Variants in FHOD3 observed in about 807,000 individuals in gnomAD.
FHOD3 encodes formin homology 2 domain containing 3.
A neutral mutation model predicts 173.0 loss-of-function variants in FHOD3; 90 were observed. That is an observed-to-expected ratio of 0.52 (90% confidence interval 0.44 to 0.62). The LOEUF (loss-of-function observed/expected upper bound fraction) is 0.62. Ranked by LOEUF, FHOD3 falls within the 20% of genes least tolerant of loss-of-function variation. The pLI, the probability that FHOD3 is intolerant of heterozygous loss-of-function variation, is 0.00. For missense variants in FHOD3, 1,945 were observed against 2,034.7 expected (o/e 0.96, Z 0.85); for synonymous variants, 828 against 823.0 (o/e 1.01, Z -0.10).
chr18:36,562,743 T>G (rs771973326), intron 5 of FHOD3, among the ~76,000 whole-genome samples: 2 of 152,184 alleles, frequency 1.3e-5, no homozygotes, highest in Non-Finnish European at 2.9e-5. Context: ...AGCACAGCCT[T>G]TAAAGTAATA....
At chr18:36,631,539 C>T (rs372257815) in intron 10 of FHOD3, among the ~76,000 whole-genome samples, 13 of 152,306 alleles carry the variant, frequency 8.5e-5, no homozygotes, top group East Asian at 5.8e-4. Flanking sequence ...CTAGCCTTTA[C>T]GGAACACTTA....
At chr18:36,773,248 G>C (rs1389117920) in intron 28 of FHOD3, among the ~76,000 whole-genome samples, 1 of 152,180 alleles carries the variant, frequency 6.6e-6, no homozygotes, top group African/African-American at 2.4e-5. Context: ...GAGGAGGCTT[G>C]TCTGTAAGTC....
At chr18:36,519,187 G>T (rs866777201) in intron 5 of FHOD3, among the ~76,000 whole-genome samples, 2 of 152,152 alleles carry the variant, frequency 1.3e-5, no homozygotes, top group Non-Finnish European at 2.9e-5. Flanking sequence ...CAGCCTGTAC[G>T]GGTGCAGAGG....
chr18:36,546,593 G>T (rs1164821596), intron 5 of FHOD3, among the ~76,000 whole-genome samples: 1 of 152,170 alleles, frequency 6.6e-6, no homozygotes, highest in South Asian at 2.1e-4. Context: ...ACCAGGAAGG[G>T]AGGGTGTCAG....
intron 4 of FHOD3, among the ~76,000 whole-genome samples, chr18:36,504,420 T>C (rs113276683): frequency 2.8e-4 from 42 of 152,214 alleles, no homozygotes; most frequent in African/African-American, 9.1e-4. Flanking sequence ...CCATAAAAAA[T>C]GATGAGCTCA....
intron 5 of FHOD3, among the ~76,000 whole-genome samples, chr18:36,535,823 G>A (rs952682604): frequency 6.6e-6 from 1 of 152,094 alleles, no homozygotes; most frequent in African/African-American, 2.4e-5. Flanking sequence ...TTGGAGGTTA[G>A]CAAACTTTTC....
intron 3 of FHOD3, among the ~76,000 whole-genome samples, chr18:36,420,300 T>C (rs547254272): frequency 1.3e-5 from 2 of 152,224 alleles, no homozygotes; most frequent in Non-Finnish European, 2.9e-5. Flanking sequence ...TCAGATGTCA[T>C]GTGGGCCAAA....
intron 1 of FHOD3, among the ~76,000 whole-genome samples, chr18:36,324,111 C>G (rs778266165): frequency 4.6e-5 from 7 of 152,176 alleles, no homozygotes; most frequent in Non-Finnish European, 7.3e-5. Context: ...CAAAGCATAG[C>G]CACACACATG....
intron 5 of FHOD3, among the ~76,000 whole-genome samples, chr18:36,550,644 G>A (rs2057613683): frequency 1.3e-5 from 2 of 151,936 alleles, no homozygotes; most frequent in South Asian, 4.1e-4. Context: ...TCAGTATACA[G>A]ACATTACATA....
chr18:36,774,823 T>G (rs992845181), intron 28 of FHOD3, among the ~76,000 whole-genome samples: 1 of 152,222 alleles, frequency 6.6e-6, no homozygotes, highest in Non-Finnish European at 1.5e-5. Flanking sequence ...TCTACGATCC[T>G]ACCCAGGATT....
At chr18:36,718,761 G>A (rs763394824) in intron 19 of FHOD3, 46 bp downstream of exon 19, 32 of 1,579,218 alleles carry the variant, frequency 2.0e-5, no homozygotes, top group Non-Finnish European at 2.7e-5. Flanking sequence ...GTTGGGTAGG[G>A]CTGAAGAGAT....
chr18:36,654,252 C>G (rs2036259429), intron 13 of FHOD3, among the ~76,000 whole-genome samples: 1 of 152,126 alleles, frequency 6.6e-6, no homozygotes, highest in Admixed American at 6.5e-5. Flanking sequence ...CTCCTTCATA[C>G]CATGAAAATG....
chr18:36,659,040 C>T (rs531586322), intron 14 of FHOD3, among the ~76,000 whole-genome samples: 6 of 152,246 alleles, frequency 3.9e-5, no homozygotes, highest in African/African-American at 9.6e-5. Flanking sequence ...TAGACATGAG[C>T]GACATCAGAG....
intron 19 of FHOD3, among the ~76,000 whole-genome samples, chr18:36,720,209 G>A (rs1201909150): frequency 1.3e-5 from 2 of 150,510 alleles, no homozygotes; most frequent in African/African-American, 2.5e-5. Context: ...AAGTGGTGCC[G>A]AGCCATCCAC....
intron 20 of FHOD3, among the ~76,000 whole-genome samples, chr18:36,734,155 TG>T (rs2041515565): frequency 6.6e-6 from 1 of 152,222 alleles, no homozygotes; most frequent in Non-Finnish European, 1.5e-5. Flanking sequence ...CAGGAAACAC[TG>T]GTAGCCCTTA....
rs568120623 is a variant in FHOD3, at chr18:36,342,925, C to T, written c.166-12614C>T. Among the ~76,000 whole-genome samples, 4 of 152,298 alleles carry T rather than the reference C, an allele frequency of 2.6e-5. No individual in the cohort carries two copies. The South Asian group carries it at 8.3e-4, about 32-fold the overall frequency. On this transcript the variant is annotated intron_variant, in intron 1 of 28. Coordinates refer to ENST00000590592, the MANE Select transcript of FHOD3 (RefSeq NM_001281740.3). ...CCCAGTAAATACATGACAAGATGAT[C>T]AAAACCATTAGCCATCAGGAAAATG...
intron 5 of FHOD3, among the ~76,000 whole-genome samples, chr18:36,538,422 G>T (rs185764432): frequency 3.3e-5 from 5 of 152,306 alleles, no homozygotes; most frequent in Admixed American, 2.0e-4. Flanking sequence ...TAGACCTGTA[G>T]CAAGAATCAC....
intron 1 of FHOD3, among the ~76,000 whole-genome samples, chr18:36,334,838 AAG>A (rs992585378): frequency 5.3e-5 from 8 of 152,326 alleles, no homozygotes; most frequent in African/African-American, 1.9e-4. Flanking sequence ...GGTAGAGGGA[AAG>A]AGGGAATCGT....
At chr18:36,333,609 G>T (rs1335871149) in intron 1 of FHOD3, among the ~76,000 whole-genome samples, 1 of 152,164 alleles carries the variant, frequency 6.6e-6, no homozygotes, top group Non-Finnish European at 1.5e-5. Context: ...GTGGGGTGTG[G>T]GTGGAGCAGA....
Sources: gnomAD v4.1 joint callset for allele counts (sites outside exome capture counted in the v4.1 genomes callset) on GRCh38, gnomAD v4.1.1 for gene constraint, MANE v1.5 for transcripts, NCBI Gene and HGNC (gene_info 2026-07-23, HGNC 2026-07-21) for gene names.